The following PAN3 variants were observed in gnomAD, a reference collection of about 807,000 sequenced individuals.
PAN3 encodes poly(A) specific ribonuclease subunit PAN3, also known as PAN2-PAN3 deadenylation complex subunit PAN3.
Under a neutral mutation model 96.2 loss-of-function variants are expected in PAN3, and 19 were observed. That is an observed-to-expected ratio of 0.20 (90% CI 0.14 to 0.29). The LOEUF is 0.29. Among genes scored for constraint, PAN3 ranks in the 10% least tolerant of loss-of-function variants. The probability of loss-of-function intolerance (pLI) is 1.00; values close to 1 mark genes in which losing one functional copy is unlikely to be tolerated. For missense variants in PAN3, 882 were observed against 1,108.1 expected, an observed-to-expected ratio of 0.80 and a Z score of 2.90; for synonymous variants, 433 against 406.6, an observed-to-expected ratio of 1.06 and a Z score of -0.78.
At chr13:28,243,496 C>T (rs1364749954) in intron 6 of PAN3, among the ~76,000 whole-genome samples, 1 of 152,102 alleles carries the variant, frequency 6.6e-6, no homozygotes, top group African/African-American at 2.4e-5. Context: ...TTGCCATTAT[C>T]ATAATGAAAA....
At chr13:28,224,587 GT>G (rs199993559) in intron 6 of PAN3, among the ~76,000 whole-genome samples, 23 of 151,468 alleles carry the variant, frequency 1.5e-4, no homozygotes, top group Non-Finnish European at 2.7e-4. Flanking sequence ...AAATAGTGCA[GT>G]TTTTTTTTAA....
intron 1 of PAN3, among the ~76,000 whole-genome samples, chr13:28,156,427 C>G (rs1226713772): frequency 6.6e-6 from 1 of 152,168 alleles, no homozygotes; most frequent in African/African-American, 2.4e-5. Context: ...AACCTACCAA[C>G]CAGAAAAAGC....
At chr13:28,149,711 G>A (rs1871119573) in intron 1 of PAN3, among the ~76,000 whole-genome samples, 1 of 152,062 alleles carries the variant, frequency 6.6e-6, no homozygotes, top group African/African-American at 2.4e-5. Context: ...GAACTCCTGG[G>A]CTCAAGTTAC....
chr13:28,168,222 T>G (rs921749004), intron 1 of PAN3, among the ~76,000 whole-genome samples: 1 of 152,180 alleles, frequency 6.6e-6, no homozygotes, highest in African/African-American at 2.4e-5. Flanking sequence ...TTTCAAATAT[T>G]TTTGGATTTG....
At chr13:28,172,722 C>T (rs1039511066) in intron 1 of PAN3, among the ~76,000 whole-genome samples, 3 of 152,036 alleles carry the variant, frequency 2.0e-5, no homozygotes, top group Non-Finnish European at 4.4e-5. Flanking sequence ...ATTCTTCTGT[C>T]GTTAGACACG....
chr13:28,258,044 C>A (rs1885361853), intron 7 of PAN3, among the ~76,000 whole-genome samples: 2 of 152,016 alleles, frequency 1.3e-5, no homozygotes, highest in Middle Eastern at 3.4e-3. Context: ...ATCTCAAATT[C>A]TTGACCTCAA....
Position 28,266,781 on chromosome 13 carries a change from G to A in PAN3, c.1478G>A (p.Arg493Gln), listed in dbSNP as rs140429993. 459 of 1,609,314 alleles carry A rather than the reference G, an allele frequency of 2.9e-4. No homozygotes were observed. Among genetic ancestry groups the A allele is most frequent in the Non-Finnish European group, 3.7e-4 (436 of 1,177,590 alleles). ...FPLEPLPPPNRIQKSSNFGYI... is the reference protein window; with the variant it reads ...FPLEPLPPPNQIQKSSNFGYI... ...CTAGAACCACTGCCACCTCCCAACC[G>A]GATACAGAAATCAAGTAATTTTGGA... The change falls in exon 10 of 19, where the codon CGG (arginine) becomes CAG (glutamine). Residue 493 changes from arginine (R) to glutamine (Q), a missense_variant. Arg to Gln is a conservative substitution (Grantham distance 43). Transcript: ENST00000380958.
At chr13:28,154,842 A>G (rs1460716576) in intron 1 of PAN3, among the ~76,000 whole-genome samples, 3 of 130,966 alleles carry the variant, frequency 2.3e-5, no homozygotes, top group Non-Finnish European at 4.7e-5. Context: ...TTTTTTTGAG[A>G]CGGAGTCTCG....
At chr13:28,240,321 C>T (rs1883539794) in intron 6 of PAN3, among the ~76,000 whole-genome samples, 1 of 152,052 alleles carries the variant, frequency 6.6e-6, no homozygotes, top group African/African-American at 2.4e-5. Context: ...CCCTAATTTT[C>T]TGGGCCATAA....
intron 6 of PAN3, among the ~76,000 whole-genome samples, chr13:28,236,120 G>T (rs1405881504): frequency 6.6e-6 from 1 of 152,160 alleles, no homozygotes; most frequent in African/African-American, 2.4e-5. Context: ...CATATGAAGA[G>T]CTACAGTTAA....
chr13:28,198,694 G>C (rs1230681936), intron 5 of PAN3, among the ~76,000 whole-genome samples: 1 of 152,166 alleles, frequency 6.6e-6, no homozygotes, highest in Non-Finnish European at 1.5e-5. Context: ...GCCAGAGGTA[G>C]AATGTCTTTA....
intron 2 of PAN3, 104 bp from the exon 3 acceptor site, chr13:28,176,389 A>G: frequency 1.0e-6 from 1 of 977,314 alleles, no homozygotes; most frequent in Non-Finnish European, 1.6e-6. Flanking sequence ...TAATGTGAAC[A>G]GTAGATTGGA....
intron 1 of PAN3, among the ~76,000 whole-genome samples, chr13:28,169,054 G>C (rs1873947859): frequency 6.6e-6 from 1 of 151,896 alleles, no homozygotes; most frequent in Admixed American, 6.6e-5. Flanking sequence ...TTAGTCCATG[G>C]AAACAGTGTA....
At chr13:28,140,215 G>A (rs1188141126) in intron 1 of PAN3, among the ~76,000 whole-genome samples, 2 of 152,174 alleles carry the variant, frequency 1.3e-5, no homozygotes, top group African/African-American at 4.8e-5. Context: ...CTCTCAGTGT[G>A]TTGTTATCTA....
intron 1 of PAN3, among the ~76,000 whole-genome samples, chr13:28,152,033 TA>T (rs1324662581): frequency 1.3e-5 from 2 of 152,188 alleles, no homozygotes; most frequent in Admixed American, 6.5e-5. Context: ...AACACAAATC[TA>T]TTGATAAATC....
intron 1 of PAN3, among the ~76,000 whole-genome samples, chr13:28,157,119 A>G (rs1219837422): frequency 6.6e-6 from 1 of 152,120 alleles, no homozygotes; most frequent in Non-Finnish European, 1.5e-5. Context: ...ACAGAGCTAA[A>G]AACAACCATA....
At chr13:28,159,169 C>G (rs551876634) in intron 1 of PAN3, among the ~76,000 whole-genome samples, 1 of 152,272 alleles carries the variant, frequency 6.6e-6, no homozygotes, top group African/African-American at 2.4e-5. Context: ...CATTGCAGCA[C>G]TCTTCACAAT....
At chr13:28,284,864 TAAA>T (rs571934101) in intron 17 of PAN3, among the ~76,000 whole-genome samples, 2 of 151,570 alleles carry the variant, frequency 1.3e-5, no homozygotes, top group Admixed American at 6.6e-5. Flanking sequence ...CTTCTTTAGT[TAAA>T]AAAAAATCAA....
intron 4 of PAN3, among the ~76,000 whole-genome samples, chr13:28,185,996 A>C (rs1206651440): frequency 6.6e-6 from 1 of 152,206 alleles, no homozygotes; most frequent in African/African-American, 2.4e-5. Context: ...TCTCATCCAC[A>C]AACATGCTAG....
Sources: gnomAD v4.1 joint callset for allele counts (sites outside exome capture counted in the v4.1 genomes callset) on GRCh38, gnomAD v4.1.1 for gene constraint, MANE v1.5 for transcripts, NCBI Gene and HGNC (gene_info 2026-07-23, HGNC 2026-07-21) for gene names.